UVRAG: variants seen among roughly 807,000 people sequenced by gnomAD.
The protein encoded by UVRAG is UV radiation resistance associated.
UVRAG carries 19 observed loss-of-function variants against 78.0 expected under a neutral mutation model. The observed-to-expected ratio is 0.24, with a 90% CI of 0.17 to 0.36. UVRAG has a LOEUF of 0.36. Ranked by LOEUF, UVRAG falls within the 10% of genes least tolerant of loss-of-function variation. The probability of loss-of-function intolerance (pLI) is 1.00; values close to 1 mark genes in which losing one functional copy is unlikely to be tolerated. For synonymous variants in UVRAG, 323 were observed against 324.6 expected, an observed-to-expected ratio of 1.00 and a Z score of 0.05; for missense variants, 740 against 853.8, an observed-to-expected ratio of 0.87 and a Z score of 1.66.
intron 12 of UVRAG, among the ~76,000 whole-genome samples, chr11:76,033,042 A>G (rs1392294841): frequency 6.6e-6 from 1 of 152,218 alleles, no homozygotes; most frequent in Non-Finnish European, 1.5e-5. Flanking sequence ...GTTGTAATAA[A>G]TATATGACTA....
intron 1 of UVRAG, among the ~76,000 whole-genome samples, chr11:75,826,472 C>T (rs1223420017): frequency 4.2e-5 from 6 of 141,350 alleles, no homozygotes; most frequent in South Asian, 2.1e-4. Context: ...AAACTTCACT[C>T]GGTCCTTTGG....
In UVRAG at chr11:76,049,007, CATATCTT is replaced by C. The variant is rs1950814672; in HGVS notation, c.1227-16698_1227-16692del. On this transcript the variant is annotated intron_variant, in intron 12 of 14. Coordinates refer to ENST00000356136, the MANE Select transcript of UVRAG (RefSeq NM_003369.4). ...GGATTGGGGCGCAAGCGCACAGTAT[CATATCTT>C]ATATAATCATAGCCATGTAGACACA... Among the ~76,000 whole-genome samples the C allele has an allele frequency of 2.0e-5, 3 of 152,360 alleles. No individual in the cohort carries two copies. The South Asian group carries it at 6.2e-4, about 32-fold the overall frequency.
intron 13 of UVRAG, among the ~76,000 whole-genome samples, chr11:76,096,963 C>T (rs570950234): frequency 6.6e-6 from 1 of 152,252 alleles, no homozygotes; most frequent in African/African-American, 2.4e-5. Flanking sequence ...TAGCCCCTTG[C>T]AAACTTCCTG....
intron 6 of UVRAG, among the ~76,000 whole-genome samples, chr11:75,930,268 A>T (rs1457307624): frequency 6.6e-6 from 1 of 152,230 alleles, no homozygotes; most frequent in Non-Finnish European, 1.5e-5. Context: ...TTTTAACAGG[A>T]TACATACTTC....
Position 75,815,452 on chromosome 11 carries a change from C to G in UVRAG, c.45C>G (p.Pro15=). 8.0e-7 allele frequency: 1 copy of G among 1,248,624 alleles called. No homozygotes were observed. The highest frequency in any genetic ancestry group is 1.0e-6 in the Non-Finnish European group (1 of 995,914). 77.3% of individuals were successfully genotyped at this position (1,248,624 alleles called of 1,614,324 possible). Residue 15 remains proline, a synonymous_variant, in exon 1 of 15, where the codon CCC becomes CCG. Transcript: ENST00000356136. ...TCGGGGGCCCCGTCCCCCAGCCACC[C>G]CCGGGCCCGGCCGCTGCTCTGCCTC... ...ASVGGPVPQP[P]PGPAAALPPG...
intron 8 of UVRAG, among the ~76,000 whole-genome samples, chr11:75,993,826 C>T (rs776457489): frequency 5.9e-4 from 89 of 152,072 alleles, no homozygotes; most frequent in Admixed American, 1.5e-3. Flanking sequence ...AACATCTGCT[C>T]CAGGTGAGAG....
rs547594160 is a variant in UVRAG, at chr11:75,936,569, T to C, written c.593+24530T>C. ...TTTGATACTCAAATCACTCCAGATT[T>C]GGCCATGGGAATCTCTTCAATCTGG... On this transcript the variant is annotated intron_variant, in intron 6 of 14. Transcript: ENST00000356136. Among the ~76,000 whole-genome samples the C allele has an allele frequency of 5.3e-5, 8 of 152,338 alleles. No homozygotes were observed. The South Asian group carries it at 1.2e-3, about 24-fold the overall frequency.
intron 13 of UVRAG, among the ~76,000 whole-genome samples, chr11:76,084,129 AT>A (rs1951543830): frequency 6.6e-6 from 1 of 152,208 alleles, no homozygotes; most frequent in Admixed American, 6.5e-5. Context: ...CATTTGCTTT[AT>A]AGTAATTCCA....
chr11:75,924,521 G>A lies in UVRAG; in HGVS notation c.593+12482G>A, dbSNP rs138081966. Among the ~76,000 whole-genome samples the A allele has an allele frequency of 9.0e-3, 1,360 of 151,914 alleles. 21 individuals carry two copies. The highest frequency in any genetic ancestry group is 0.032 in the African/African-American group (1,310 of 41,418). On this transcript the variant is annotated intron_variant, in intron 6 of 14. Coordinates refer to ENST00000356136, the MANE Select transcript of UVRAG (RefSeq NM_003369.4). The stretch of plus-strand genomic sequence containing the variant: ...CTGCCTCAGCCTCCCAAGTAGCTGG[G>A]ACTTACAGGCGCCCACCACCATGCC...
intron 11 of UVRAG, among the ~76,000 whole-genome samples, chr11:76,009,821 A>G (rs1439958429): frequency 6.6e-6 from 1 of 152,208 alleles, no homozygotes; most frequent in Non-Finnish European, 1.5e-5. Flanking sequence ...GGAACAAGTA[A>G]TGTAACCTTT....
intron 12 of UVRAG, among the ~76,000 whole-genome samples, chr11:76,059,893 T>A (rs1042191968): frequency 6.6e-6 from 1 of 152,246 alleles, no homozygotes. Context: ...TTTCTATAAA[T>A]ACGAATGGCA....
chr11:76,022,707 A>T (rs1436275086), intron 12 of UVRAG, among the ~76,000 whole-genome samples: 3 of 152,090 alleles, frequency 2.0e-5, no homozygotes, highest in Non-Finnish European at 4.4e-5. Flanking sequence ...CATGCCTTTT[A>T]TGCATTCCTC....
chr11:75,913,008 T>C (rs1333325919), intron 6 of UVRAG, among the ~76,000 whole-genome samples: 1 of 152,222 alleles, frequency 6.6e-6, no homozygotes, highest in Non-Finnish European at 1.5e-5. Flanking sequence ...GCTTAGGATA[T>C]GTAGCAGAAC....
chr11:76,127,953 A>G (rs35659161), intron 14 of UVRAG, among the ~76,000 whole-genome samples: 23,074 of 152,012 alleles, frequency 0.15, 2,283 homozygotes, highest in Middle Eastern at 0.24. Context: ...GCGAGACCCC[A>G]TCTCAAAAAA....
At chr11:76,117,713 T>G (rs1281131879) in intron 14 of UVRAG, among the ~76,000 whole-genome samples, 4 of 152,140 alleles carry the variant, frequency 2.6e-5, no homozygotes, top group Non-Finnish European at 5.9e-5. Context: ...CTTAACTACA[T>G]TGGCAGACAG....
intron 5 of UVRAG, 51 bp downstream of exon 5, chr11:75,888,954 T>C (rs1392078068): frequency 2.7e-6 from 4 of 1,486,536 alleles, no homozygotes; most frequent in Middle Eastern, 1.7e-4. Flanking sequence ...AGGTGTGCCT[T>C]GCAGGTGTAC....
intron 6 of UVRAG, among the ~76,000 whole-genome samples, chr11:75,950,194 A>G (rs1351963552): frequency 6.6e-6 from 1 of 152,126 alleles, no homozygotes; most frequent in Non-Finnish European, 1.5e-5. Context: ...TTTGGCTATT[A>G]TAAATAAAGC....
At chr11:76,018,437 G>C (rs552379459) in intron 12 of UVRAG, among the ~76,000 whole-genome samples, 1 of 152,132 alleles carries the variant, frequency 6.6e-6, no homozygotes, top group East Asian at 1.9e-4. Context: ...TTGAGATGGA[G>C]TCTTGCTCTG....
chr11:75,822,032 C>A (rs1186949890), intron 1 of UVRAG, among the ~76,000 whole-genome samples: 5 of 149,130 alleles, frequency 3.4e-5, no homozygotes. Context: ...GCAACCTCTA[C>A]CTCTCAGGTT....
Sources: allele counts gnomAD v4.1 joint callset (sites outside exome capture counted in the v4.1 genomes callset), GRCh38; gene constraint gnomAD v4.1.1; transcripts MANE v1.5; gene names NCBI Gene and HGNC (gene_info 2026-07-23, HGNC 2026-07-21).